Variants in TSC22D1 observed in about 807,000 individuals in gnomAD.
TSC22D1 encodes the protein TSC22 domain family protein 1.
TSC22D1 carries 9 observed loss-of-function variants against 74.2 expected under a neutral mutation model. The ratio of observed to expected loss-of-function variants is 0.12; its 90% CI spans 0.07 to 0.21. TSC22D1 has a LOEUF of 0.21. TSC22D1 is among the 10% of genes least tolerant of loss of function. The pLI, the probability that TSC22D1 is intolerant of heterozygous loss-of-function variation, is 1.00. For missense variants in TSC22D1, 1,427 were observed against 1,304.7 expected, an observed-to-expected ratio of 1.09 and a Z score of -1.44; for synonymous variants, 586 against 492.5, an observed-to-expected ratio of 1.19 and a Z score of -2.51.
intron 1 of TSC22D1, among the ~76,000 whole-genome samples, chr13:44,517,375 T>C (rs1032484241): frequency 6.6e-6 from 1 of 151,402 alleles, no homozygotes; most frequent in African/African-American, 2.4e-5. Context: ...TACTCCTTCC[T>C]CACAAAAATT....
intron 1 of TSC22D1, among the ~76,000 whole-genome samples, chr13:44,484,707 T>C (rs1878345509): frequency 6.6e-6 from 1 of 152,198 alleles, no homozygotes; most frequent in Admixed American, 6.5e-5. Flanking sequence ...TAATAGTACA[T>C]ATGCAGCACC....
chr13:44,539,582 G>A (rs548107086), intron 1 of TSC22D1: 1 of 985,290 alleles, frequency 1.0e-6, no homozygotes, highest in East Asian at 1.1e-4. Context: ...ATTATCTGGA[G>A]AGAAAATTAA....
In TSC22D1 at chr13:44,436,811, G is replaced by C. The variant is rs1185326075; in HGVS notation, c.2913-716C>G. 8 of 1,386,384 alleles carry C rather than the reference G, an allele frequency of 5.8e-6. No homozygotes were observed. In the East Asian group the frequency reaches 7.8e-5, roughly 13 times the overall value. 85.9% of individuals were successfully genotyped at this position (1,386,384 alleles called of 1,614,324 possible). ...AGGCAGATGCGGATCCCAGTGCCGTGAAGAGGCGCTTCCCAGATCCGCAGC... is the reference window on the plus strand; with the variant it reads ...AGGCAGATGCGGATCCCAGTGCCGTCAAGAGGCGCTTCCCAGATCCGCAGC... On this transcript the variant is annotated intron_variant, in intron 1 of 2. Transcript: ENST00000458659.
intron 2 of TSC22D1, among the ~76,000 whole-genome samples, chr13:44,435,448 G>A (rs898641258): frequency 1.3e-5 from 2 of 152,230 alleles, no homozygotes; most frequent in Non-Finnish European, 1.5e-5. Context: ...AGCAACAGTG[G>A]GCAGAGAATC....
chr13:44,526,103 AAAAC>A (rs374969805), intron 1 of TSC22D1, among the ~76,000 whole-genome samples: 42 of 152,164 alleles, frequency 2.8e-4, no homozygotes, highest in African/African-American at 6.0e-4. Flanking sequence ...CCCTGTCTCA[AAAAC>A]AAACAAACAA....
At chr13:44,464,901 T>A (rs1286833477) in intron 1 of TSC22D1, among the ~76,000 whole-genome samples, 1 of 152,192 alleles carries the variant, frequency 6.6e-6, no homozygotes, top group Non-Finnish European at 1.5e-5. Context: ...CCACCTCTGC[T>A]CTAATTAAAA....
At chr13:44,440,193 A>C (rs1875075221) in intron 1 of TSC22D1, among the ~76,000 whole-genome samples, 1 of 152,250 alleles carries the variant, frequency 6.6e-6, no homozygotes, top group African/African-American at 2.4e-5. Flanking sequence ...AACAAGAAGA[A>C]ATGCCAAAGA....
chr13:44,543,577 G>A (rs1221486905), intron 1 of TSC22D1, among the ~76,000 whole-genome samples: 1 of 152,166 alleles, frequency 6.6e-6, no homozygotes, highest in Non-Finnish European at 1.5e-5. Flanking sequence ...CTAGCTGGCA[G>A]TAAGAAGAAA....
At chr13:44,497,167 G>A (rs1468142294) in intron 1 of TSC22D1, among the ~76,000 whole-genome samples, 2 of 152,034 alleles carry the variant, frequency 1.3e-5, no homozygotes, top group Non-Finnish European at 2.9e-5. Flanking sequence ...TCCATCAGTA[G>A]ATAAACAAAC....
Position 44,576,259 on chromosome 13 carries a change from G to C in TSC22D1, c.-185C>G. ...CTTCGAGAGCGAGCTTCGGAAAGGA[G>C]GATGAACGAGGGTGAACAGGGCGGC... On this transcript the variant is annotated 5_prime_UTR_variant, in exon 1 of 3. Coordinates refer to ENST00000458659, the MANE Select transcript of TSC22D1 (RefSeq NM_183422.4). 1 of 860,820 alleles carries C rather than the reference G, an allele frequency of 1.2e-6. No homozygotes were observed. Among genetic ancestry groups the C allele is most frequent in the South Asian group, 1.9e-5 (1 of 52,720 alleles). The allele number at this position is 860,820 out of a possible 1,614,324, so 53.3% of individuals were successfully genotyped here.
At chr13:44,560,902 T>C (rs1360406210) in intron 1 of TSC22D1, among the ~76,000 whole-genome samples, 4 of 152,222 alleles carry the variant, frequency 2.6e-5, no homozygotes, top group Admixed American at 6.5e-5. Context: ...AGGCTATAAA[T>C]TGCTAACTTT....
intron 1 of TSC22D1, among the ~76,000 whole-genome samples, chr13:44,495,474 A>G (rs1350959695): frequency 6.6e-6 from 1 of 152,218 alleles, no homozygotes; most frequent in Non-Finnish European, 1.5e-5. Flanking sequence ...ACAAAGAAAT[A>G]AAGAATACTG....
At chr13:44,538,051 T>C (rs2138086018) in intron 1 of TSC22D1, 2 of 985,334 alleles carry the variant, frequency 2.0e-6, no homozygotes, top group Non-Finnish European at 2.4e-6. Flanking sequence ...AATCAATTAA[T>C]TGACAGCTTG....
chr13:44,466,345 T>C (rs2137894006), intron 1 of TSC22D1, among the ~76,000 whole-genome samples: 1 of 152,358 alleles, frequency 6.6e-6, no homozygotes, highest in Middle Eastern at 3.4e-3. Context: ...ATCTTTGGAA[T>C]GTCAAAATAA....
intron 1 of TSC22D1, among the ~76,000 whole-genome samples, chr13:44,439,819 C>A (rs1016294443): frequency 6.6e-6 from 1 of 152,224 alleles, no homozygotes; most frequent in Non-Finnish European, 1.5e-5. Context: ...AAAAGAGGAA[C>A]AGGCCTGAGT....
intron 1 of TSC22D1, among the ~76,000 whole-genome samples, chr13:44,494,989 G>C (rs988394287): frequency 1.8e-4 from 28 of 152,082 alleles, no homozygotes; most frequent in Admixed American, 9.2e-4. Context: ...GCACTAGGGA[G>C]GTTTAAGAGC....
At chr13:44,496,646 T>C (rs1253122578) in intron 1 of TSC22D1, among the ~76,000 whole-genome samples, 8 of 152,016 alleles carry the variant, frequency 5.3e-5, no homozygotes, top group African/African-American at 1.7e-4. Context: ...GATCACGCCA[T>C]TGCATTCCAG....
intron 1 of TSC22D1, among the ~76,000 whole-genome samples, chr13:44,518,404 G>C (rs1342051469): frequency 6.6e-6 from 1 of 152,060 alleles, no homozygotes; most frequent in Non-Finnish European, 1.5e-5. Flanking sequence ...AAAGTATCAT[G>C]AATGCAGTAT....
rs2138833616 is a variant in TSC22D1 at position 44,432,867 on chromosome 13, CTCACT to C, written c.*1754_*1758del. The C allele has an allele frequency of 6.6e-6, 1 of 152,326 alleles. No individual in the cohort carries two copies. The highest frequency in any genetic ancestry group is 2.4e-5 in the African/African-American group (1 of 41,576). The allele number at this position is 152,326 out of a possible 1,614,324, so 9.4% of individuals were successfully genotyped here. On this transcript the variant is annotated 3_prime_UTR_variant, in exon 3 of 3. Coordinates refer to ENST00000458659, the MANE Select transcript of TSC22D1 (RefSeq NM_183422.4). Reference sequence around the variant, plus strand: ...CTACTGCAGAGTGGGATCCCTCAGGCTCACTCCTCAGGTGCCAGGGGCCAATCTGC... The same window carrying C: ...CTACTGCAGAGTGGGATCCCTCAGGCCCTCAGGTGCCAGGGGCCAATCTGC...
Sources: allele counts gnomAD v4.1 joint callset (sites outside exome capture counted in the v4.1 genomes callset), GRCh38; gene constraint gnomAD v4.1.1; transcripts MANE v1.5; gene names NCBI Gene and HGNC (gene_info 2026-07-23, HGNC 2026-07-21).